PHTF2: variants seen among roughly 807,000 people sequenced by gnomAD.
The protein encoded by PHTF2 is protein PHTF2.
Under a neutral mutation model 101.2 loss-of-function variants are expected in PHTF2, and 60 were observed. That is an observed-to-expected ratio of 0.59 (90% confidence interval 0.48 to 0.73). The LOEUF is 0.73. Ranked by LOEUF, PHTF2 falls within the 30% of genes least tolerant of loss-of-function variation. The pLI, the probability that PHTF2 is intolerant of heterozygous loss-of-function variation, is 0.00. For missense variants in PHTF2, 747 were observed against 908.7 expected (o/e 0.82, Z 2.29); for synonymous variants, 311 against 307.3 (o/e 1.01, Z -0.13).
At chr7:77,855,438 G>A (rs1455171766) in intron 3 of PHTF2, among the ~76,000 whole-genome samples, 1 of 152,198 alleles carries the variant, frequency 6.6e-6, no homozygotes, top group Non-Finnish European at 1.5e-5. Flanking sequence ...GCACTCCCTG[G>A]AGTTGGAGAA....
chr7:77,859,885 CTTA>C (rs1797490925), intron 3 of PHTF2, among the ~76,000 whole-genome samples: 1 of 152,112 alleles, frequency 6.6e-6, no homozygotes, highest in Admixed American at 6.5e-5. Context: ...CCTAGCTCCT[CTTA>C]TATGAAGTGT....
chr7:77,925,123 C>T (rs1398303637), intron 11 of PHTF2, among the ~76,000 whole-genome samples: 1 of 152,040 alleles, frequency 6.6e-6, no homozygotes, highest in Admixed American at 6.6e-5. Context: ...TGATGAGAAG[C>T]GTAATGAAGA....
At chr7:77,877,712 C>T (rs571620770) in intron 3 of PHTF2, among the ~76,000 whole-genome samples, 2 of 152,262 alleles carry the variant, frequency 1.3e-5, no homozygotes, top group East Asian at 1.9e-4. Context: ...TCACCACATG[C>T]GTAAACTGTG....
intron 1 of PHTF2, among the ~76,000 whole-genome samples, chr7:77,801,817 C>G (rs539674814): frequency 3.9e-5 from 6 of 152,200 alleles, no homozygotes; most frequent in South Asian, 4.1e-4. Flanking sequence ...ATTCTTGAGA[C>G]AAGAATTCAG....
chr7:77,925,495 G>GATTTTTTTTTTT (rs1803881678), intron 11 of PHTF2, among the ~76,000 whole-genome samples: 1 of 73,138 alleles, frequency 1.4e-5, no homozygotes, highest in African/African-American at 5.8e-5. Flanking sequence ...AGTTTTTAGG[G>GATTTTTTTTTTT]TTTTTTTTTT....
chr7:77,828,675 A>T (rs1433673478), intron 1 of PHTF2, among the ~76,000 whole-genome samples: 1 of 152,130 alleles, frequency 6.6e-6, no homozygotes, highest in African/African-American at 2.4e-5. Flanking sequence ...TAGGAAAAAG[A>T]TAGCAACATA....
intron 16 of PHTF2, among the ~76,000 whole-genome samples, chr7:77,947,137 C>T (rs1806116644): frequency 6.6e-6 from 1 of 150,932 alleles, no homozygotes; most frequent in Non-Finnish European, 1.5e-5. Flanking sequence ...ACAACAACAA[C>T]AAACGCATAT....
At chr7:77,822,812 C>CCT (rs1794395262) in intron 1 of PHTF2, among the ~76,000 whole-genome samples, 1 of 152,030 alleles carries the variant, frequency 6.6e-6, no homozygotes, top group Admixed American at 6.6e-5. Flanking sequence ...TTATGTGATG[C>CCT]CTAGGTTCTT....
At chr7:77,896,268 A>G (rs1175292373) in intron 5 of PHTF2, among the ~76,000 whole-genome samples, 5 of 152,244 alleles carry the variant, frequency 3.3e-5, no homozygotes, top group Admixed American at 1.3e-4. Context: ...TGTACACACT[A>G]CCCATTAATC....
At chr7:77,925,304 C>A (rs1401259233) in intron 11 of PHTF2, among the ~76,000 whole-genome samples, 1 of 151,952 alleles carries the variant, frequency 6.6e-6, no homozygotes, top group African/African-American at 2.4e-5. Flanking sequence ...CAGTTTTAGG[C>A]GTCTAAAGAT....
chr7:77,943,863 C>A (rs943925258), intron 16 of PHTF2, among the ~76,000 whole-genome samples: 2 of 151,792 alleles, frequency 1.3e-5, no homozygotes, highest in South Asian at 4.2e-4. Context: ...ATTAAAAATA[C>A]AAAAATTAGC....
intron 9 of PHTF2, among the ~76,000 whole-genome samples, chr7:77,915,409 C>T (rs562338653): frequency 6.6e-6 from 1 of 152,010 alleles, no homozygotes; most frequent in South Asian, 2.1e-4. Flanking sequence ...GAAGGGGTTT[C>T]ACCATGTTGG....
chr7:77,800,291 G>A (rs906545114), intron 1 of PHTF2, among the ~76,000 whole-genome samples: 1 of 152,188 alleles, frequency 6.6e-6, no homozygotes, highest in African/African-American at 2.4e-5. Context: ...GTAGAGGAGA[G>A]GAATCTGGAG....
At chr7:77,894,717 A>G (rs1329890013) in intron 5 of PHTF2, among the ~76,000 whole-genome samples, 1 of 152,184 alleles carries the variant, frequency 6.6e-6, no homozygotes. Context: ...AAAACTCTAT[A>G]GAAGAGCGAG....
intron 1 of PHTF2, among the ~76,000 whole-genome samples, chr7:77,824,273 T>C (rs1350501790): frequency 6.6e-6 from 1 of 151,636 alleles, no homozygotes; most frequent in Non-Finnish European, 1.5e-5. Flanking sequence ...TTTTTTTTTT[T>C]CTTGGAGGTA....
intron 2 of PHTF2, among the ~76,000 whole-genome samples, chr7:77,847,259 T>C (rs141787650): frequency 0.022 from 3,416 of 152,226 alleles, 51 homozygotes; most frequent in Non-Finnish European, 0.033. Context: ...AGAGAGAAAA[T>C]TAAGATCTAC....
chr7:77,875,941 G>A (rs1222791433), intron 3 of PHTF2, among the ~76,000 whole-genome samples: 1 of 152,104 alleles, frequency 6.6e-6, no homozygotes, highest in Non-Finnish European at 1.5e-5. Context: ...ATCACAAAAA[G>A]CCTATTAAAT....
intron 1 of PHTF2, among the ~76,000 whole-genome samples, chr7:77,802,232 A>T (rs1792617134): frequency 6.6e-6 from 1 of 152,184 alleles, no homozygotes; most frequent in Admixed American, 6.5e-5. Flanking sequence ...TTAAATGATA[A>T]TGGTATGTAA....
At chr7:77,869,396 C>A (rs1798339322) in intron 3 of PHTF2, among the ~76,000 whole-genome samples, 2 of 152,264 alleles carry the variant, frequency 1.3e-5, no homozygotes, top group Admixed American at 1.3e-4. Flanking sequence ...CACCCATTAA[C>A]CAAACTTTCT....
Sources: gnomAD v4.1 joint callset for allele counts (sites outside exome capture counted in the v4.1 genomes callset) on GRCh38, gnomAD v4.1.1 for gene constraint, MANE v1.5 for transcripts, NCBI Gene and HGNC (gene_info 2026-07-23, HGNC 2026-07-21) for gene names.